METTL24: variants seen among roughly 807,000 people sequenced by gnomAD.
The protein encoded by METTL24 is probable methyltransferase-like protein 24.
In METTL24, 29 loss-of-function variants were observed where a neutral mutation model predicts 32.7. The ratio of observed to expected loss-of-function variants is 0.89; its 90% confidence interval spans 0.66 to 1.21. METTL24 has a LOEUF of 1.21. Ranked by LOEUF, METTL24 falls within the 50% of genes most tolerant of loss-of-function variation. The pLI is 0.00. For missense variants in METTL24, 439 were observed against 468.1 expected, an observed-to-expected ratio of 0.94 and a Z score of 0.57; for synonymous variants, 163 against 179.5, an observed-to-expected ratio of 0.91 and a Z score of 0.73.
At position 110,253,883 on chromosome 6, in the gene METTL24, A is replaced by G. The variant is rs908432320; in HGVS notation, c.787-7623T>C. 12 of 1,439,314 alleles carry G rather than the reference A, an allele frequency of 8.3e-6. No homozygotes were observed. The African/African-American group carries it at 1.5e-4, about 17-fold the overall frequency. The allele number at this position is 1,439,314 out of a possible 1,614,324, so 89.2% of individuals were successfully genotyped here. A position where few individuals can be genotyped will look rare whatever the true frequency, so the allele number is the denominator to read the frequency against. On this transcript the variant is annotated intron_variant, in intron 4 of 4. Coordinates refer to ENST00000338882, the MANE Select transcript of METTL24 (RefSeq NM_001123364.3). ...TTTCCTCTAAAATTTTCTCTCAAACAGAGTCCCTCAGAGCTTTCAGAATCT... is the reference window on the plus strand; with the variant it reads ...TTTCCTCTAAAATTTTCTCTCAAACGGAGTCCCTCAGAGCTTTCAGAATCT...
intron 4 of METTL24, among the ~76,000 whole-genome samples, chr6:110,274,614 C>G (rs1357568014): frequency 6.6e-6 from 1 of 151,928 alleles, no homozygotes; most frequent in African/African-American, 2.4e-5. Context: ...AAGAACTTAT[C>G]CATGTAACCA....
rs1771918085 is a variant in METTL24, at chr6:110,320,787, T to C, written c.417+1987A>G. The stretch of plus-strand genomic sequence containing the variant: ...AAATACTTGGTTAATAACCATTCTA[T>C]ACTGCTCTGTGCACAGTACAAGCTC... On this transcript the variant is annotated intron_variant, in intron 2 of 4. Coordinates refer to ENST00000338882, the MANE Select transcript of METTL24 (RefSeq NM_001123364.3). 3.3e-5 allele frequency among the ~76,000 whole-genome samples: 5 copies of C among 152,282 alleles called. No individual in the cohort carries two copies. In the South Asian group the frequency reaches 1.0e-3, roughly 32 times the overall value.
chr6:110,352,097 A>G (rs992913170), intron 1 of METTL24, among the ~76,000 whole-genome samples: 2 of 152,140 alleles, frequency 1.3e-5, no homozygotes, highest in South Asian at 2.1e-4. Flanking sequence ...CTATTCCCCT[A>G]CGATCTTACC....
At position 110,325,837 on chromosome 6, in the gene METTL24, G is replaced by A. The variant is rs139770560; in HGVS notation, c.319-2965C>T. Among the ~76,000 whole-genome samples the A allele has an allele frequency of 2.6e-3, 390 of 152,294 alleles. 2 individuals carry two copies. The highest frequency in any genetic ancestry group is 8.3e-3 in the African/African-American group (346 of 41,564). On this transcript the variant is annotated intron_variant, in intron 1 of 4. Transcript: ENST00000338882. ...AATCCCAGTTTCCACCCCAGAAGAGGAGAGGCCAGGCTCCTCCCCACTGCA... is the reference window on the plus strand; with the variant it reads ...AATCCCAGTTTCCACCCCAGAAGAGAAGAGGCCAGGCTCCTCCCCACTGCA...
chr6:110,341,266 A>G (rs1772351633), intron 1 of METTL24, among the ~76,000 whole-genome samples: 3 of 152,220 alleles, frequency 2.0e-5, no homozygotes, highest in Non-Finnish European at 4.4e-5. Flanking sequence ...GTTTGGTTTT[A>G]CAAATAAGAA....
At chr6:110,337,547 A>G (rs891664664) in intron 1 of METTL24, among the ~76,000 whole-genome samples, 4 of 152,198 alleles carry the variant, frequency 2.6e-5, no homozygotes, top group African/African-American at 9.6e-5. Flanking sequence ...AGAACAGACC[A>G]TTGGTCTTAT....
intron 4 of METTL24, among the ~76,000 whole-genome samples, chr6:110,263,533 T>G (rs1481429628): frequency 6.6e-6 from 1 of 152,128 alleles, no homozygotes; most frequent in Non-Finnish European, 1.5e-5. Context: ...ATCGTGAAAA[T>G]GGCCATACTG....
chr6:110,282,660 G>A (rs1191433528), intron 4 of METTL24, among the ~76,000 whole-genome samples: 1 of 152,124 alleles, frequency 6.6e-6, no homozygotes, highest in Non-Finnish European at 1.5e-5. Flanking sequence ...TCTTGAAAAT[G>A]TCATTAACAT....
rs527344096 is a variant in METTL24, at chr6:110,335,566, GTTTTTTTT to G, written c.319-12702_319-12695del. On this transcript the variant is annotated intron_variant, in intron 1 of 4. Coordinates refer to ENST00000338882, the MANE Select transcript of METTL24 (RefSeq NM_001123364.3). ...TGCTTTGTACTTGTAGGGAATCATT[GTTTTTTTT>G]TTTTTTTTTTTTTTTTTTTTATGAA... 8.2e-3 allele frequency among the ~76,000 whole-genome samples: 541 copies of G among 66,162 alleles called. 4 individuals are homozygous for G. Among genetic ancestry groups the G allele is most frequent in the African/African-American group, 0.025 (526 of 20,714 alleles). 43.4% of individuals were successfully genotyped at this position (66,162 alleles called of 152,430 possible).
chr6:110,264,758 G>A (rs1250171185), intron 4 of METTL24, among the ~76,000 whole-genome samples: 1 of 152,168 alleles, frequency 6.6e-6, no homozygotes, highest in African/African-American at 2.4e-5. Context: ...TTAAGAAAAT[G>A]TAGCACATAT....
chr6:110,275,774 C>T (rs556379648), intron 4 of METTL24, among the ~76,000 whole-genome samples: 1 of 152,324 alleles, frequency 6.6e-6, no homozygotes, highest in Non-Finnish European at 1.5e-5. Context: ...AATCTCTCTT[C>T]TTTACCTATG....
chr6:110,312,470 A>G (rs1771740034), intron 3 of METTL24, among the ~76,000 whole-genome samples: 2 of 152,258 alleles, frequency 1.3e-5, no homozygotes, highest in Non-Finnish European at 2.9e-5. Context: ...TTAGTGATAA[A>G]TAAAGAAAAT....
intron 3 of METTL24, among the ~76,000 whole-genome samples, chr6:110,305,379 A>G (rs1397348681): frequency 6.6e-6 from 1 of 152,122 alleles, no homozygotes; most frequent in Non-Finnish European, 1.5e-5. Context: ...GTATCATCAG[A>G]GTGAACAGGC....
Position 110,358,300 on chromosome 6 carries a change from G to A in METTL24, c.-28C>T, listed in dbSNP as rs150581583. 1,035 of 1,416,020 alleles carry A rather than the reference G, an allele frequency of 7.3e-4. 1 individual carries two copies. Among genetic ancestry groups the A allele is most frequent in the Middle Eastern group, 2.6e-3 (10 of 3,890 alleles). 87.7% of individuals were successfully genotyped at this position (1,416,020 alleles called of 1,614,324 possible). ...CGCTACACTCGGGGTCCCGCGGGCC[G>A]CGCCTGGCCGGCAGCAGGGATGTAG... On this transcript the variant is annotated 5_prime_UTR_variant, in exon 1 of 5. Coordinates refer to ENST00000338882, the MANE Select transcript of METTL24 (RefSeq NM_001123364.3).
chr6:110,351,753 T>C (rs13204962), intron 1 of METTL24, among the ~76,000 whole-genome samples: 82,120 of 152,040 alleles, frequency 0.54, 22,218 homozygotes, highest in African/African-American at 0.57. Flanking sequence ...GCTGGTCCAG[T>C]GTGAATGTCA....
chr6:110,253,840 A>G (rs1048318926), intron 4 of METTL24: 5 of 1,382,222 alleles, frequency 3.6e-6, no homozygotes, highest in Non-Finnish European at 4.8e-6. Flanking sequence ...CTATGAATAT[A>G]TTTCCATGTC....
intron 4 of METTL24, among the ~76,000 whole-genome samples, chr6:110,268,408 TACA>T (rs1343331172): frequency 6.6e-6 from 1 of 152,158 alleles, no homozygotes; most frequent in Non-Finnish European, 1.5e-5. Context: ...AAGCACAAAA[TACA>T]ACATTGGTGA....
intron 1 of METTL24, among the ~76,000 whole-genome samples, chr6:110,327,347 G>A (rs767307214): frequency 7.9e-5 from 12 of 152,162 alleles, no homozygotes; most frequent in Non-Finnish European, 1.2e-4. Context: ...AAATCAATAT[G>A]GTGAAACTAT....
At chr6:110,259,544 G>GGA (rs1778450828) in intron 4 of METTL24, among the ~76,000 whole-genome samples, 1 of 152,200 alleles carries the variant, frequency 6.6e-6, no homozygotes, top group East Asian at 1.9e-4. Context: ...CTGGGGGCAG[G>GGA]GCATAGCCAA....
Sources: gnomAD v4.1 joint callset for allele counts (sites outside exome capture counted in the v4.1 genomes callset) on GRCh38, gnomAD v4.1.1 for gene constraint, MANE v1.5 for transcripts, NCBI Gene and HGNC (gene_info 2026-07-23, HGNC 2026-07-21) for gene names.